SHKBP1: variants seen among roughly 807,000 people sequenced by gnomAD.
The protein encoded by SHKBP1 is SH3KBP1 binding protein 1.
SHKBP1 carries 71 observed loss-of-function variants against 83.9 expected under a neutral mutation model. That is an observed-to-expected ratio of 0.85 (90% CI 0.70 to 1.03). SHKBP1 has a LOEUF of 1.03. Among genes scored for constraint, SHKBP1 ranks in the 50% least tolerant of loss-of-function variants. The pLI, the probability that SHKBP1 is intolerant of heterozygous loss-of-function variation, is 0.00. For synonymous variants in SHKBP1, 371 were observed against 398.0 expected (o/e 0.93, Z 0.81); for missense variants, 824 against 982.4 (o/e 0.84, Z 2.16).
At chr19:40,582,289 TCCTC>T in intron 9 of SHKBP1, 58 bp from the exon 10 acceptor site, 1 of 1,343,012 alleles carries the variant, frequency 7.4e-7, no homozygotes, top group Non-Finnish European at 1.1e-6. Context: ...TTGGAGTTCT[TCCTC>T]CCACCTCTCC....
chr19:40,583,833 T>C, intron 12 of SHKBP1, 116 bp downstream of exon 12: 1 of 752,598 alleles, frequency 1.3e-6, no homozygotes, highest in Non-Finnish European at 2.3e-6. Flanking sequence ...GGGCGGCAGA[T>C]TCAACTCTCT....
Position 40,580,952 on chromosome 19 carries a change from T to C in SHKBP1, c.844+16T>C. 1 of 1,515,990 alleles carries C rather than the reference T, an allele frequency of 6.6e-7. No homozygotes were observed. The highest frequency in any genetic ancestry group is 8.8e-7 in the Non-Finnish European group (1 of 1,132,972). 93.9% of individuals were successfully genotyped at this position (1,515,990 alleles called of 1,614,324 possible). ...TCCGAGATAGGTATGACCCCAAGCC[T>C]TTTCCAGAACCCTCTGTCCTTTAAA... On this transcript the variant is annotated intron_variant, in intron 9 of 17. Transcript: ENST00000291842.
chr19:40,581,000 C>T, intron 9 of SHKBP1, 64 bp downstream of exon 9: 1 of 1,437,952 alleles, frequency 7.0e-7, no homozygotes, highest in South Asian at 1.4e-5. Context: ...TTAAAATGAC[C>T]CACCCCATAA....
chr19:40,581,493 CGACAGAGTG>C, intron 9 of SHKBP1, among the ~76,000 whole-genome samples: 2 of 148,530 alleles, frequency 1.3e-5, no homozygotes, highest in Middle Eastern at 3.5e-3. Flanking sequence ...CCAGCCTGAG[CGACAGAGTG>C]GACAGAGTGA....
At position 40,586,859 on chromosome 19, in the gene SHKBP1, C is replaced by A; in HGVS notation, c.1251C>A (p.Gly417=). 1 of 1,613,058 alleles carries A rather than the reference C, an allele frequency of 6.2e-7. No individual in the cohort carries two copies. The highest frequency in any genetic ancestry group is 8.5e-7 in the Non-Finnish European group (1 of 1,179,402). ...RVIVQHPETV[G]SGPQLFQTFT... is the part of the protein sequence containing the mutation. ...TCGTGCAGCACCCGGAGACTGTGGG[C>A]TCGGGGCCTCAGCTCTTCCAGACCT... Residue 417 remains glycine, a synonymous_variant, in exon 13 of 18, where the codon GGC becomes GGA. Transcript: ENST00000291842.
intron 3 of SHKBP1, 53 bp from the exon 4 acceptor site, chr19:40,577,504 C>T (rs2081227093): frequency 6.2e-7 from 1 of 1,612,236 alleles, no homozygotes; most frequent in East Asian, 2.2e-5. Flanking sequence ...GGGGCAGGAC[C>T]CCACTCAGTC....
chr19:40,589,774 G>A (rs2081342430), intron 15 of SHKBP1, among the ~76,000 whole-genome samples: 1 of 152,062 alleles, frequency 6.6e-6, no homozygotes, highest in South Asian at 2.1e-4. Flanking sequence ...GCCAAATAGG[G>A]TCACATGGGA....
At chr19:40,577,717 C>G in intron 4 of SHKBP1, 87 bp downstream of exon 4, 1 of 1,450,464 alleles carries the variant, frequency 6.9e-7, no homozygotes, top group Non-Finnish European at 9.7e-7. Flanking sequence ...CACGTGAGCT[C>G]CATTCTATTA....
chr19:40,578,548 C>T lies in SHKBP1; in HGVS notation c.400+6C>T, dbSNP rs745428428. 5.6e-6 allele frequency: 9 copies of T among 1,609,216 alleles called. No homozygotes were observed. The highest frequency in any genetic ancestry group is 2.2e-5 in the East Asian group (1 of 44,770). ...TGGTTACCTGCCGCCACCAGGTAGG[C>T]ACTCCCAATGGAATGGAGGGGCGCG... is the stretch of plus-strand genomic sequence containing the variant. On this transcript the variant is annotated splice_donor_region_variant and intron_variant, in intron 6 of 17. Transcript: ENST00000291842.
At chr19:40,586,677 TCTGA>T in intron 12 of SHKBP1, 93 bp from the exon 13 acceptor site, 1 of 1,250,580 alleles carries the variant, frequency 8.0e-7, no homozygotes, top group African/African-American at 1.5e-5. Context: ...CTCCTTGCTT[TCTGA>T]CTGTGTCTCT....
In SHKBP1 at chr19:40,577,299, G is replaced by A. The variant is rs2081223862; in HGVS notation, c.140+15G>A. 6.2e-7 allele frequency: 1 copy of A among 1,613,956 alleles called. No homozygotes were observed. Among genetic ancestry groups the A allele is most frequent in the Admixed American group, 1.7e-5 (1 of 59,988 alleles). On this transcript the variant is annotated intron_variant, in intron 2 of 17. Transcript: ENST00000291842. The stretch of plus-strand genomic sequence containing the variant: ...TTCTTCTCCAGGTGATCGGGAGAGC[G>A]AGTTTGGGGCGAGGGTAGGAGGGAT...
chr19:40,583,431 G>T lies in SHKBP1; in HGVS notation c.994G>T (p.Ala332Ser), dbSNP rs377642984. ...GGTGCAGCCCATCACCAGTTATGAC[G>T]CGGCAGGCTCCTTCCTCCTCCTGGG... ...QEVQPITSYD[A>S]AGSFLLLGCN... is the part of the protein sequence containing the mutation. Residue 332 changes from alanine to serine, a missense_variant, in exon 11 of 18, where the codon GCG becomes TCG. Coordinates refer to ENST00000291842, the MANE Select transcript of SHKBP1 (RefSeq NM_138392.4). The T allele has an allele frequency of 2.2e-5, 36 of 1,602,242 alleles. No individual in the cohort carries two copies. In the South Asian group the frequency reaches 3.5e-4, roughly 15 times the overall value.
chr19:40,579,134 A>C (rs981763677), intron 6 of SHKBP1, among the ~76,000 whole-genome samples: 8 of 151,058 alleles, frequency 5.3e-5, no homozygotes, highest in South Asian at 4.1e-4. Context: ...ATTTTATGAG[A>C]CAGGGTCTGG....
chr19:40,577,617 G>C lies in SHKBP1; in HGVS notation c.247G>C (p.Glu83Gln). 6.2e-7 allele frequency: 1 copy of C among 1,614,066 alleles called. No individual in the cohort carries two copies. Among genetic ancestry groups the C allele is most frequent in the Non-Finnish European group, 8.5e-7 (1 of 1,180,012 alleles). Reference protein sequence around the residue: ...APILNFLRTKELDPRGVHGSS... With the variant: ...APILNFLRTKQLDPRGVHGSS... Reference sequence around the variant, plus strand: ...CATCCTCAACTTCCTGCGCACCAAAGAGTTGGATCCCAGGTTGGCATGGAA... The same window carrying C: ...CATCCTCAACTTCCTGCGCACCAAACAGTTGGATCCCAGGTTGGCATGGAA... The change falls in exon 4 of 18, where the codon GAG becomes CAG. Residue 83 changes from glutamate to glutamine, a missense_variant. Transcript: ENST00000291842.
At chr19:40,589,498 A>T in intron 15 of SHKBP1, among the ~76,000 whole-genome samples, 1 of 36,214 alleles carries the variant, frequency 2.8e-5, no homozygotes, top group Non-Finnish European at 5.3e-5. Flanking sequence ...ATGGGGGCCC[A>T]GGGGGAGAGG....
At chr19:40,582,658 G>A in intron 10 of SHKBP1, 192 bp downstream of exon 10, 2 of 581,858 alleles carry the variant, frequency 3.4e-6, no homozygotes, top group South Asian at 4.4e-5. Flanking sequence ...CCTGGAGGAG[G>A]TGCTGCAGAG....
chr19:40,584,137 A>G (rs1232589386), intron 12 of SHKBP1, among the ~76,000 whole-genome samples: 1 of 152,124 alleles, frequency 6.6e-6, no homozygotes, highest in Non-Finnish European at 1.5e-5. Flanking sequence ...CACCGCGCCC[A>G]GCCAGATTCA....
chr19:40,580,395 G>C lies in SHKBP1; in HGVS notation c.472G>C (p.Val158Leu), dbSNP rs1352114088. The C allele has an allele frequency of 1.2e-6, 2 of 1,614,228 alleles. No individual in the cohort carries two copies. The highest frequency in any genetic ancestry group is 2.2e-5 in the East Asian group (1 of 44,882). ...PQQLGGRPAP[V>L]RRSNTMPPNL... Reference sequence around the variant, plus strand: ...GCAGCTAGGAGGACGGCCAGCCCCTGTCCGACGGAGCAACACGATGCCCCC... The same window carrying C: ...GCAGCTAGGAGGACGGCCAGCCCCTCTCCGACGGAGCAACACGATGCCCCC... The change falls in exon 7 of 18, where the codon GTC becomes CTC. Residue 158 changes from valine to leucine, a missense_variant. By Grantham distance (32) the Val-to-Leu change is conservative. This residue lies in a region of SHKBP1 where 355 missense variants were observed against 386.4 expected (regional missense o/e 0.92). Transcript: ENST00000291842.
At chr19:40,583,575 C>T (rs995323848) in intron 11 of SHKBP1, 26 bp from the exon 12 acceptor site, 10 of 1,611,116 alleles carry the variant, frequency 6.2e-6, no homozygotes, top group African/African-American at 2.7e-5. Context: ...GGAACAAACC[C>T]GCTCCACCCT....
Sources: gnomAD v4.1 joint callset for allele counts (sites outside exome capture counted in the v4.1 genomes callset) on GRCh38, gnomAD v4.1.1 for gene constraint, gnomAD v4.1.1 regional missense constraint, MANE v1.5 for transcripts, NCBI Gene and HGNC (gene_info 2026-07-23, HGNC 2026-07-21) for gene names.